TENM2: variants seen among roughly 807,000 people sequenced by gnomAD.
TENM2 encodes the protein teneurin transmembrane protein 2, also known as teneurin-2.
A neutral mutation model predicts 245.2 loss-of-function variants in TENM2; 52 were observed. The observed-to-expected ratio is 0.21, with a 90% CI of 0.17 to 0.27. The LOEUF (loss-of-function observed/expected upper bound fraction) is 0.27. Among genes scored for constraint, TENM2 ranks in the 10% least tolerant of loss-of-function variants. The probability of loss-of-function intolerance (pLI) is 1.00; values close to 1 mark genes in which losing one functional copy is unlikely to be tolerated. For missense variants in TENM2, 3,046 were observed against 3,666.8 expected (o/e 0.83, Z 4.37); for synonymous variants, 1,363 against 1,438.9 (o/e 0.95, Z 1.19).
chr5:168,065,858 T>TG (rs1030953953), intron 7 of TENM2, among the ~76,000 whole-genome samples: 3 of 151,680 alleles, frequency 2.0e-5, no homozygotes, highest in Non-Finnish European at 4.4e-5. Context: ...ACAAAGGTTT[T>TG]TTTTTTTTTC....
the TENM2 span, among the ~76,000 whole-genome samples, chr5:167,220,875 G>A: frequency 8.6e-5 from 13 of 151,660 alleles, no homozygotes; most frequent in Admixed American, 8.5e-4. Flanking sequence ...CACCCAGGCT[G>A]GAGTGCAGTG....
intron 3 of TENM2, among the ~76,000 whole-genome samples, chr5:167,879,868 C>T (rs1316543853): frequency 6.6e-6 from 1 of 152,040 alleles, no homozygotes; most frequent in African/African-American, 2.4e-5. Flanking sequence ...TTTTAAAGAG[C>T]AATGCCTTAG....
chr5:167,144,447 C>CT, the TENM2 span, among the ~76,000 whole-genome samples: 1 of 152,186 alleles, frequency 6.6e-6, no homozygotes, highest in African/African-American at 2.4e-5. Flanking sequence ...TTAAATTTCT[C>CT]TAATTTTCAA....
At chr5:167,364,988 C>T (rs367680091) in intron 1 of TENM2, among the ~76,000 whole-genome samples, 2 of 151,920 alleles carry the variant, frequency 1.3e-5, no homozygotes, top group African/African-American at 2.4e-5. Flanking sequence ...ACACTACACA[C>T]GAGAATTCTC....
chr5:167,160,636 C>T, the TENM2 span, among the ~76,000 whole-genome samples: 1 of 152,246 alleles, frequency 6.6e-6, no homozygotes, highest in Admixed American at 6.5e-5. Flanking sequence ...ACTTCCCTGC[C>T]CACTCAATCT....
rs115829897 is a variant in TENM2, at chr5:168,151,786, G to T, written c.2423-10825G>T. 4.3e-3 allele frequency among the ~76,000 whole-genome samples: 649 copies of T among 152,322 alleles called. 2 individuals carry two copies. The highest frequency in any genetic ancestry group is 0.015 in the African/African-American group (622 of 41,568). On this transcript the variant is annotated intron_variant, in intron 12 of 28. Coordinates refer to ENST00000518659, the Ensembl canonical transcript of TENM2. ...CTAACATACCAAAACAAGTGACTTG[G>T]TATAAAAGTCTGCACCCTCTTTCTT...
chr5:167,181,577 G>A, the TENM2 span, among the ~76,000 whole-genome samples: 5 of 149,836 alleles, frequency 3.3e-5, no homozygotes, highest in African/African-American at 1.2e-4. Flanking sequence ...TGTAAAGCAC[G>A]CAATATTTAA....
At chr5:167,251,021 A>G in the TENM2 span, among the ~76,000 whole-genome samples, 1 of 152,120 alleles carries the variant, frequency 6.6e-6, no homozygotes, top group Non-Finnish European at 1.5e-5. Flanking sequence ...TGAGAGATGG[A>G]AGTAGAGAGG....
exon 11 of TENM2, chr5:168,125,025 C>A (rs772101674): frequency 1.1e-5 from 18 of 1,609,184 alleles, no homozygotes; most frequent in Non-Finnish European, 1.4e-5. Context: ...GCGATCCCAA[C>A]TGGATGGGTC....
intron 3 of TENM2, among the ~76,000 whole-genome samples, chr5:167,888,233 C>T (rs750060138): frequency 6.6e-6 from 1 of 152,084 alleles, no homozygotes; most frequent in Admixed American, 6.6e-5. Context: ...GAAATAGCTC[C>T]CTATGTCTTC....
intron 1 of TENM2, among the ~76,000 whole-genome samples, chr5:167,341,939 A>AT (rs1432827873): frequency 1.3e-5 from 2 of 152,100 alleles, no homozygotes; most frequent in Non-Finnish European, 2.9e-5. Flanking sequence ...TTTTGATCAA[A>AT]TTTTTACAAT....
At chr5:167,862,507 G>C (rs1428738712) in intron 2 of TENM2, among the ~76,000 whole-genome samples, 1 of 152,128 alleles carries the variant, frequency 6.6e-6, no homozygotes, top group Non-Finnish European at 1.5e-5. Context: ...ATGTATATAG[G>C]CAGCATGATT....
chr5:167,895,145 A>C (rs7707710), intron 3 of TENM2, among the ~76,000 whole-genome samples: 4,430 of 152,172 alleles, frequency 0.029, 216 homozygotes, highest in African/African-American at 0.1. Context: ...TTTCTATTAG[A>C]ATAGAGGCTT....
At chr5:167,640,903 ATATCTTTCTCTTAAGCTTAGTGGTTC>A (rs1263041651) in intron 2 of TENM2, among the ~76,000 whole-genome samples, 16 of 95,508 alleles carry the variant, frequency 1.7e-4, no homozygotes, top group Non-Finnish European at 3.4e-4. Flanking sequence ...ATATATATAT[ATATCTTTCTCTTAAGCTTAGTGGTTC>A]TCAAAGAGTG....
intron 2 of TENM2, among the ~76,000 whole-genome samples, chr5:167,553,718 A>G (rs545297108): frequency 3.9e-5 from 6 of 152,342 alleles, no homozygotes; most frequent in Non-Finnish European, 7.3e-5. Flanking sequence ...GACCAGCACA[A>G]AATCCATCCA....
intron 3 of TENM2, among the ~76,000 whole-genome samples, chr5:167,944,435 CAAA>C (rs113612702): frequency 7.7e-6 from 1 of 129,098 alleles, no homozygotes; most frequent in Non-Finnish European, 1.7e-5. Flanking sequence ...GGGTCTCAGC[CAAA>C]AAAAAAAAAA....
chr5:167,247,422 G>A, the TENM2 span, among the ~76,000 whole-genome samples: 1 of 152,000 alleles, frequency 6.6e-6, no homozygotes, highest in Non-Finnish European at 1.5e-5. Context: ...AAGCCTTTTG[G>A]AGAAACATTA....
chr5:167,186,005 G>A, the TENM2 span, among the ~76,000 whole-genome samples: 1 of 152,128 alleles, frequency 6.6e-6, no homozygotes. Flanking sequence ...GAACACTGAT[G>A]ATACCTGGCT....
chr5:167,631,105 C>T (rs905425452), intron 2 of TENM2, among the ~76,000 whole-genome samples: 1 of 152,062 alleles, frequency 6.6e-6, no homozygotes. Flanking sequence ...GAATCGAACT[C>T]GTGGCAGTTT....
Sources: gnomAD v4.1 joint callset for allele counts (sites outside exome capture counted in the v4.1 genomes callset) on GRCh38, gnomAD v4.1.1 for gene constraint, MANE v1.5 for transcripts, NCBI Gene and HGNC (gene_info 2026-07-23, HGNC 2026-07-21) for gene names.